BRD1: variants seen among roughly 807,000 people sequenced by gnomAD.
BRD1 encodes bromodomain-containing protein 1.
Under a neutral mutation model 107.7 loss-of-function variants are expected in BRD1, and 24 were observed. That is an observed-to-expected ratio of 0.22 (90% CI 0.16 to 0.31). The LOEUF (loss-of-function observed/expected upper bound fraction) is 0.31, where lower values mean the gene tolerates loss of function less well. Among genes scored for constraint, BRD1 ranks in the 10% least tolerant of loss-of-function variants. BRD1 has a pLI of 1.00. For synonymous variants in BRD1, 744 were observed against 686.1 expected (o/e 1.08, Z -1.32); for missense variants, 1,279 against 1,638.6 (o/e 0.78, Z 3.79).
Position 49,792,932 on chromosome 22 carries a change from C to T in BRD1, c.2359+1102G>A, listed in dbSNP as rs2147097516. ...GGGGACCCGCTGACCTGTGTGGCATCATGAAGACACTGCGTCACTCCGAGC... is the reference window on the plus strand; with the variant it reads ...GGGGACCCGCTGACCTGTGTGGCATTATGAAGACACTGCGTCACTCCGAGC... On this transcript the variant is annotated intron_variant, in intron 7 of 12. Transcript: ENST00000404760. This position sits in a 1 kb window ranked among gnomAD's most constrained non-coding sequence, Gnocchi z 4.2. Among the ~76,000 whole-genome samples, 1 of 152,292 alleles carries T rather than the reference C, an allele frequency of 6.6e-6. No individual in the cohort carries two copies. Among genetic ancestry groups the T allele is most frequent in the East Asian group, 1.9e-4 (1 of 5,186 alleles).
chr22:49,823,245 G>A lies in BRD1; in HGVS notation c.1073C>T (p.Ala358Val). ...TAFHVTCAQK[A>V]GLYMKMEPVK... Reference sequence around the variant, plus strand: ...GGGCTCCATTTTCATGTACAGGCCAGCCTTCTGGGCACACGTCACATGGAA... The same window carrying A: ...GGGCTCCATTTTCATGTACAGGCCAACCTTCTGGGCACACGTCACATGGAA... Residue 358 changes from alanine (A) to valine (V), a missense_variant, in exon 2 of 13, where the codon GCT becomes GTT. This residue lies in a region of BRD1 where 158 missense variants were observed against 310.2 expected (regional missense o/e 0.51). Coordinates refer to ENST00000404760, the MANE Select transcript of BRD1 (RefSeq NM_001304808.3). The A allele has an allele frequency of 6.2e-7, 1 of 1,614,224 alleles. No individual in the cohort carries two copies. Among genetic ancestry groups the A allele is most frequent in the Non-Finnish European group, 8.5e-7 (1 of 1,180,038 alleles).
intron 8 of BRD1, among the ~76,000 whole-genome samples, chr22:49,785,527 C>G (rs775969460): frequency 2.6e-5 from 4 of 152,254 alleles, no homozygotes; most frequent in Non-Finnish European, 5.9e-5. Context: ...GCTTGGAAAA[C>G]CAGGTCAGAG....
intron 8 of BRD1, among the ~76,000 whole-genome samples, chr22:49,782,290 C>T (rs1364923863): frequency 6.9e-6 from 1 of 145,588 alleles, no homozygotes; most frequent in African/African-American, 2.6e-5. Flanking sequence ...GACGCCTGCA[C>T]GAGACCTGCT....
chr22:49,824,042 G>A lies in BRD1; in HGVS notation c.276C>T (p.His92=). 1 of 1,613,850 alleles carries A rather than the reference G, an allele frequency of 6.2e-7. No individual in the cohort carries two copies. The highest frequency in any genetic ancestry group is 8.5e-7 in the Non-Finnish European group (1 of 1,180,028). ...TTTTCTTTTTGACTCTGTTGTTTTT[G>A]TGACGCTTAGTTCTTAAGCAGACAG... The part of the protein sequence containing the change: ...RPPVCLRTKR[H]KNNRVKKKNE... The change falls in exon 2 of 13, where the codon CAC becomes CAT. Residue 92 remains histidine, a synonymous_variant. Transcript: ENST00000404760. This position sits in a 1 kb window ranked among gnomAD's most constrained non-coding sequence, Gnocchi z 5.9.
At chr22:49,798,896 C>CG (rs1569112755) in intron 4 of BRD1, 92 bp downstream of exon 4, 1 of 1,496,268 alleles carries the variant, frequency 6.7e-7, no homozygotes, top group African/African-American at 1.4e-5. Flanking sequence ...CAGGACCCAC[C>CG]GGGTGCAGCC....
At chr22:49,784,351 G>C (rs1346590056) in intron 8 of BRD1, among the ~76,000 whole-genome samples, 1 of 152,022 alleles carries the variant, frequency 6.6e-6, no homozygotes, top group African/African-American at 2.4e-5. Flanking sequence ...CGTGCACACA[G>C]AGACTCGCAG....
intron 2 of BRD1, chr22:49,806,671 GC>G (rs1469281019): frequency 1.3e-5 from 2 of 152,278 alleles, no homozygotes; most frequent in African/African-American, 4.8e-5. Flanking sequence ...CAGCCGCAAT[GC>G]CCACCTCAGG....
At chr22:49,784,519 C>CCGCGGGCGA (rs1190253343) in intron 8 of BRD1, among the ~76,000 whole-genome samples, 1 of 152,254 alleles carries the variant, frequency 6.6e-6, no homozygotes, top group Non-Finnish European at 1.5e-5. Context: ...CACAGCCGGC[C>CCGCGGGCGA]CGCGGGCGAC....
chr22:49,797,691 T>A (rs1348770805), intron 6 of BRD1, 114 bp downstream of exon 6: 1 of 1,061,454 alleles, frequency 9.4e-7, no homozygotes, highest in South Asian at 1.8e-5. Context: ...ATGTATGCGG[T>A]TGCATGCTAG....
At chr22:49,816,104 G>C (rs1430143668) in intron 2 of BRD1, among the ~76,000 whole-genome samples, 1 of 152,214 alleles carries the variant, frequency 6.6e-6, no homozygotes, top group Non-Finnish European at 1.5e-5. Context: ...CACTGAGCCA[G>C]TGTCTCCTGC....
intron 8 of BRD1, among the ~76,000 whole-genome samples, chr22:49,784,143 CA>C (rs1300646431): frequency 6.8e-6 from 1 of 147,706 alleles, no homozygotes; most frequent in African/African-American, 2.5e-5. Context: ...AGCGAGTGGA[CA>C]AAGACATCCC....
intron 3 of BRD1, among the ~76,000 whole-genome samples, chr22:49,802,870 G>C (rs1177114481): frequency 6.6e-6 from 1 of 152,198 alleles, no homozygotes; most frequent in African/African-American, 2.4e-5. Context: ...CGGAAGATGC[G>C]GTTAACTCAT....
chr22:49,791,496 T>C (rs1031339696), intron 7 of BRD1, among the ~76,000 whole-genome samples: 18 of 152,218 alleles, frequency 1.2e-4, no homozygotes, highest in Admixed American at 9.8e-4. Flanking sequence ...TGTGAAAATA[T>C]TGTGGTTATA....
chr22:49,814,546 C>A (rs2059914245), intron 2 of BRD1, among the ~76,000 whole-genome samples: 1 of 152,260 alleles, frequency 6.6e-6, no homozygotes, highest in South Asian at 2.1e-4. Context: ...TCCGACGGGG[C>A]AGGGTGTGCA....
At position 49,798,648 on chromosome 22, in the gene BRD1, G is replaced by A. The variant is rs751609894; in HGVS notation, c.1695C>T (p.Thr565=). 1.2e-6 allele frequency: 2 copies of A among 1,612,898 alleles called. No individual in the cohort carries two copies. The highest frequency in any genetic ancestry group is 8.5e-7 in the Non-Finnish European group (1 of 1,179,620). ...VEQVAMELRL[T]PLTVLLRSVL... is the part of the protein sequence containing the mutation. ...CTGAGCGCAGCAGCACCGTCAGCGG[G>A]GTCAGCCGCAGCTCCATGGCGACCT... The change falls in exon 5 of 13, where the codon ACC becomes ACT. Residue 565 remains threonine, a synonymous_variant. Transcript: ENST00000404760.
In BRD1 at chr22:49,774,190, C is replaced by T; in HGVS notation, c.*43G>A. The T allele has an allele frequency of 6.3e-7, 1 of 1,582,180 alleles. No individual in the cohort carries two copies. The highest frequency in any genetic ancestry group is 8.6e-7 in the Non-Finnish European group (1 of 1,162,656). On this transcript the variant is annotated 3_prime_UTR_variant, in exon 13 of 13. Transcript: ENST00000404760. ...TTGAACAATATACAAACATGTACAG[C>T]TTATCAACACTATGGACAAGACCCG... is the stretch of plus-strand genomic sequence containing the variant.
chr22:49,775,873 C>CGCAGCTGTGTGAG, intron 11 of BRD1, 128 bp from the exon 12 acceptor site: 1 of 1,255,576 alleles, frequency 8.0e-7, no homozygotes, highest in Non-Finnish European at 1.1e-6. Flanking sequence ...CCCCACGCCC[C>CGCAGCTGTGTGAG]CCTCGCCGAA....
At position 49,792,754 on chromosome 22, in the gene BRD1, C is replaced by A. The variant is rs1438921854; in HGVS notation, c.2359+1280G>T. On this transcript the variant is annotated intron_variant, in intron 7 of 12. Transcript: ENST00000404760. This position sits in a 1 kb window ranked among gnomAD's most constrained non-coding sequence, Gnocchi z 4.2. ...TGAGCAAAAGGATGCATAAGAAATT[C>A]TCAGCTGTGTGCACAGGAGTAAGTT... 6.6e-6 allele frequency among the ~76,000 whole-genome samples: 1 copy of A among 152,142 alleles called. No individual in the cohort carries two copies. The highest frequency in any genetic ancestry group is 2.4e-5 in the African/African-American group (1 of 41,414).
At chr22:49,801,917 C>T (rs1569117057) in intron 3 of BRD1, among the ~76,000 whole-genome samples, 1 of 152,242 alleles carries the variant, frequency 6.6e-6, no homozygotes, top group Non-Finnish European at 1.5e-5. Flanking sequence ...TGCAGGGATT[C>T]TGGCCCTCGT....
Sources: allele counts gnomAD v4.1 joint callset (sites outside exome capture counted in the v4.1 genomes callset), GRCh38; gene constraint gnomAD v4.1.1; regional missense constraint gnomAD v4.1.1; non-coding constraint Gnocchi (gnomAD v3.1); transcripts MANE v1.5; gene names NCBI Gene and HGNC (gene_info 2026-07-23, HGNC 2026-07-21).